The following PPAT variants were observed in gnomAD, a reference collection of about 807,000 sequenced individuals.
The protein encoded by PPAT is amidophosphoribosyltransferase.
PPAT carries 20 observed loss-of-function variants against 60.2 expected under a neutral mutation model. That is an observed-to-expected ratio of 0.33 (90% confidence interval 0.23 to 0.48). PPAT has a LOEUF of 0.48. PPAT is among the 20% of genes least tolerant of loss of function. PPAT has a pLI of 0.99. For synonymous variants in PPAT, 194 were observed against 215.1 expected, an observed-to-expected ratio of 0.90 and a Z score of 0.86; for missense variants, 349 against 629.6, an observed-to-expected ratio of 0.55 and a Z score of 4.77.
intron 1 of PPAT, among the ~76,000 whole-genome samples, chr4:56,425,700 G>C (rs914007977): frequency 2.0e-5 from 3 of 152,178 alleles, no homozygotes; most frequent in Non-Finnish European, 4.4e-5. Flanking sequence ...CTTCAGGATA[G>C]GGGGTAGTCA....
rs1189412810 is a variant in PPAT at position 56,402,169 on chromosome 4, G to A, written c.674C>T (p.Ser225Leu). 1 of 1,605,438 alleles carries A rather than the reference G, an allele frequency of 6.2e-7. No individual in the cohort carries two copies. Among genetic ancestry groups the A allele is most frequent in the South Asian group, 1.1e-5 (1 of 90,500 alleles). Residue 225 changes from serine (S) to leucine (L), a missense_variant, in exon 6 of 11, where the codon TCA (serine) becomes TTA (leucine). This residue lies in a region of PPAT where 63 missense variants were observed against 86.9 expected (regional missense o/e 0.73). Transcript: ENST00000264220. ...AGACACCACCCATCCTTCTGTTTCT[G>A]ATGTTTTTTTCTCTGTAAATCACAA... is the stretch of plus-strand genomic sequence containing the variant. ...SDINDKEKKT[S>L]ETEGWVVSSE...
intron 1 of PPAT, chr4:56,410,547 A>C (rs1263539046): frequency 1.0e-6 from 1 of 986,310 alleles, no homozygotes; most frequent in Non-Finnish European, 1.2e-6. Flanking sequence ...CACTGGACTG[A>C]GGAGGAGGTT....
At chr4:56,402,848 A>AAAAAAG (rs1560638308) in intron 5 of PPAT, among the ~76,000 whole-genome samples, 192 bp downstream of exon 5, 1 of 76,098 alleles carries the variant, frequency 1.3e-5, no homozygotes, top group African/African-American at 5.7e-5. Flanking sequence ...AAAAAAAAAA[A>AAAAAAG]GGGGGGGGAC....
intron 1 of PPAT, among the ~76,000 whole-genome samples, chr4:56,415,296 A>T (rs1313373160): frequency 6.6e-6 from 1 of 152,244 alleles, no homozygotes; most frequent in Non-Finnish European, 1.5e-5. Context: ...CAATCAAAAG[A>T]TACTTATCCG....
At chr4:56,422,868 T>TTG (rs1717113277) in intron 1 of PPAT, 9 of 152,226 alleles carry the variant, frequency 5.9e-5, no homozygotes, top group Admixed American at 5.9e-4. Context: ...AGCATCAGCA[T>TTG]TAACTGAGAA....
Position 56,395,367 on chromosome 4 carries a change from T to C in PPAT, c.1539A>G (p.Val513=). 6.2e-7 allele frequency: 1 copy of C among 1,606,352 alleles called. No individual in the cohort carries two copies. The highest frequency in any genetic ancestry group is 8.5e-7 in the Non-Finnish European group (1 of 1,174,950). ...ACCCTACCAGCTACCATTCTAATTCTACAGGATATTTTCCAGTGAGACAAG... is the reference window on the plus strand; with the variant it reads ...ACCCTACCAGCTACCATTCTAATTCCACAGGATATTTTCCAGTGAGACAAG... ...CTACLTGKYP[V]ELEW The change falls in exon 11 of 11, where the codon GTA becomes GTG. Residue 513 remains valine, a synonymous_variant. Coordinates refer to ENST00000264220, the MANE Select transcript of PPAT (RefSeq NM_002703.5).
chr4:56,417,322 CAA>C (rs141226188), intron 1 of PPAT, among the ~76,000 whole-genome samples: 6 of 151,426 alleles, frequency 4.0e-5, no homozygotes, highest in Admixed American at 6.6e-5. Flanking sequence ...CATTTCAAAG[CAA>C]AGACATTAAA....
Position 56,435,400 on chromosome 4 carries a change from C to T in PPAT, c.78G>A (p.Gln26=). The change falls in exon 1 of 11, where the codon CAG becomes CAA. Residue 26 remains glutamine (Q), a synonymous_variant. Coordinates refer to ENST00000264220, the MANE Select transcript of PPAT (RefSeq NM_002703.5). ...GCIASGEWPT[Q]LDVPHVITLG... ...GAGTGATCACATGCGGTACATCCAG[C>T]TGCGTGGGCCACTCTCCTGAGGCGA... 6.2e-7 allele frequency: 1 copy of T among 1,613,914 alleles called. No homozygotes were observed. Among genetic ancestry groups the T allele is most frequent in the Non-Finnish European group, 8.5e-7 (1 of 1,179,846 alleles).
At chr4:56,417,232 GAAA>G (rs1435207597) in intron 1 of PPAT, among the ~76,000 whole-genome samples, 1 of 151,250 alleles carries the variant, frequency 6.6e-6, no homozygotes, top group East Asian at 1.9e-4. Flanking sequence ...ACCCAAATAA[GAAA>G]AAAAATTCTG....
intron 1 of PPAT, among the ~76,000 whole-genome samples, chr4:56,434,764 T>C (rs7435941): frequency 0.046 from 6,955 of 152,340 alleles, 196 homozygotes; most frequent in Admixed American, 0.092. Flanking sequence ...CTACTACCAG[T>C]AGTCATTCTC....
chr4:56,431,387 T>C, intron 1 of PPAT: 1 of 960,226 alleles, frequency 1.0e-6, no homozygotes, highest in Non-Finnish European at 1.2e-6. Context: ...CACAAGTGCC[T>C]TTCCAGTGGT....
At chr4:56,428,341 T>C (rs797008738) in intron 1 of PPAT, among the ~76,000 whole-genome samples, 2 of 152,134 alleles carry the variant, frequency 1.3e-5, no homozygotes, top group African/African-American at 2.4e-5. Flanking sequence ...GGTCAGAGCA[T>C]TGATATGGTC....
intron 9 of PPAT, among the ~76,000 whole-genome samples, chr4:56,397,071 C>T (rs985325419): frequency 6.6e-6 from 1 of 152,156 alleles, no homozygotes; most frequent in Non-Finnish European, 1.5e-5. Flanking sequence ...CTTACTACTA[C>T]AACAGAGTTG....
At chr4:56,420,016 G>A (rs1387437299) in intron 1 of PPAT, 1 of 985,082 alleles carries the variant, frequency 1.0e-6, no homozygotes, top group South Asian at 4.7e-5. Flanking sequence ...GTCACAGAAT[G>A]TGCCAACGTA....
intron 1 of PPAT, chr4:56,408,336 G>A (rs1295411474): frequency 6.6e-6 from 1 of 152,244 alleles, no homozygotes; most frequent in Non-Finnish European, 1.5e-5. Flanking sequence ...TCAGGAGGCT[G>A]AGGCAGGAGA....
chr4:56,416,787 C>T (rs530724684), intron 1 of PPAT, among the ~76,000 whole-genome samples: 2 of 152,114 alleles, frequency 1.3e-5, no homozygotes, highest in Admixed American at 1.3e-4. Context: ...AACATCAGAG[C>T]CACAACCAGG....
chr4:56,409,245 GTGGTAGCCAGGA>G (rs1716343305), intron 1 of PPAT, among the ~76,000 whole-genome samples: 1 of 152,152 alleles, frequency 6.6e-6, no homozygotes, highest in Admixed American at 6.5e-5. Flanking sequence ...CAGACAGCAG[GTGGTAGCCAGGA>G]TTCCAATGCA....
At chr4:56,430,473 C>T (rs1717526479) in intron 1 of PPAT, among the ~76,000 whole-genome samples, 1 of 151,990 alleles carries the variant, frequency 6.6e-6, no homozygotes, top group Admixed American at 6.6e-5. Flanking sequence ...TAAAGTATTC[C>T]CAGTGTCTAC....
chr4:56,401,375 T>C lies in PPAT; in HGVS notation c.841A>G (p.Ile281Val). The change falls in exon 7 of 11, where the codon ATC (isoleucine) becomes GTC (valine). Residue 281 changes from isoleucine to valine, a missense_variant. Ile to Val is a conservative substitution (Grantham distance 29, BLOSUM62 3). Around this residue, in one of 5 missense-constraint regions of PPAT, gnomAD observed 167 missense variants for 328.6 expected, o/e 0.51. Transcript: ENST00000264220. Reference sequence around the variant, plus strand: ...CTTGCAAAATAAACATATTCAAAGATACAAAAAGCCACTGGGTTTCCTTCA... The same window carrying C: ...CTTGCAAAATAAACATATTCAAAGACACAAAAAGCCACTGGGTTTCCTTCA... ...RSEGNPVAFC[I>V]FEYVYFARPD... 1 of 1,600,532 alleles carries C rather than the reference T, an allele frequency of 6.2e-7. No homozygotes were observed. The highest frequency in any genetic ancestry group is 8.5e-7 in the Non-Finnish European group (1 of 1,173,082).
Sources: gnomAD v4.1 joint callset for allele counts (sites outside exome capture counted in the v4.1 genomes callset) on GRCh38, gnomAD v4.1.1 for gene constraint, gnomAD v4.1.1 regional missense constraint, MANE v1.5 for transcripts, NCBI Gene and HGNC (gene_info 2026-07-23, HGNC 2026-07-21) for gene names.